The following PLGRKT variants were observed in gnomAD, a reference collection of about 807,000 sequenced individuals.
The protein encoded by PLGRKT is plasminogen receptor with a C-terminal lysine.
A neutral mutation model predicts 18.5 loss-of-function variants in PLGRKT; 22 were observed. That is an observed-to-expected ratio of 1.19 (90% CI 0.85 to 1.70). PLGRKT has a LOEUF of 1.70. Ranked by LOEUF, PLGRKT falls within the 40% of genes most tolerant of loss-of-function variation. The probability of loss-of-function intolerance (pLI) is 0.00; values close to 1 mark genes in which losing one functional copy is unlikely to be tolerated. For synonymous variants in PLGRKT, 72 were observed against 52.8 expected, an observed-to-expected ratio of 1.36 and a Z score of -1.58; for missense variants, 235 against 174.4, an observed-to-expected ratio of 1.35 and a Z score of -1.96.
chr9:5,399,322 C>T (rs1003980006), intron 3 of PLGRKT, among the ~76,000 whole-genome samples: 3 of 151,932 alleles, frequency 2.0e-5, no homozygotes, highest in African/African-American at 4.9e-5. Flanking sequence ...CCCTCTCCTA[C>T]AGTAGTTTCC....
chr9:5,396,367 C>T (rs565834500), intron 3 of PLGRKT, among the ~76,000 whole-genome samples: 118 of 150,714 alleles, frequency 7.8e-4, no homozygotes, highest in Admixed American at 2.0e-3. Context: ...CTCACTGCAA[C>T]CTCAACCTCC....
At chr9:5,365,628 C>G (rs951182674) in intron 3 of PLGRKT, among the ~76,000 whole-genome samples, 1 of 152,014 alleles carries the variant, frequency 6.6e-6, no homozygotes, top group Non-Finnish European at 1.5e-5. Flanking sequence ...GATTCTGGGA[C>G]AGAAAAAGAA....
intron 3 of PLGRKT, among the ~76,000 whole-genome samples, chr9:5,426,993 G>A (rs900766948): frequency 8.5e-5 from 13 of 152,088 alleles, no homozygotes; most frequent in Non-Finnish European, 1.3e-4. Flanking sequence ...AATAATAACA[G>A]GCTAATTTAT....
intron 3 of PLGRKT, among the ~76,000 whole-genome samples, chr9:5,367,769 C>A (rs746815501): frequency 2.6e-5 from 4 of 151,730 alleles, no homozygotes; most frequent in African/African-American, 9.7e-5. Flanking sequence ...GAGCTTCTGC[C>A]CAACAACAAC....
intron 3 of PLGRKT, among the ~76,000 whole-genome samples, chr9:5,399,229 T>A (rs942355353): frequency 3.3e-5 from 5 of 151,904 alleles, no homozygotes; most frequent in African/African-American, 1.2e-4. Context: ...TAATTAAATA[T>A]TTTTTCTCCT....
At chr9:5,390,238 T>C (rs1384909772) in intron 3 of PLGRKT, among the ~76,000 whole-genome samples, 2 of 87,382 alleles carry the variant, frequency 2.3e-5, no homozygotes, top group East Asian at 2.8e-4. Flanking sequence ...TGTGTGTGTA[T>C]GTGTATATAT....
intron 3 of PLGRKT, among the ~76,000 whole-genome samples, chr9:5,396,969 G>A (rs1432662141): frequency 6.6e-6 from 1 of 151,950 alleles, no homozygotes; most frequent in Non-Finnish European, 1.5e-5. Context: ...ACTTCACAGT[G>A]ACAATAAAGG....
At chr9:5,394,901 G>C (rs1179616761) in intron 3 of PLGRKT, among the ~76,000 whole-genome samples, 1 of 151,834 alleles carries the variant, frequency 6.6e-6, no homozygotes, top group Admixed American at 6.5e-5. Flanking sequence ...GAAGCTGACT[G>C]CAACGGAGCC....
intron 3 of PLGRKT, among the ~76,000 whole-genome samples, chr9:5,424,668 TTATATATATATA>T (rs375682412): frequency 1.8e-5 from 2 of 113,170 alleles, no homozygotes; most frequent in East Asian, 4.7e-4. Flanking sequence ...ATTATATATT[TTATATATATATA>T]TATATATATA....
intron 5 of PLGRKT, 41 bp downstream of exon 5, chr9:5,361,037 A>G (rs747498585): frequency 9.6e-7 from 1 of 1,040,180 alleles, no homozygotes; most frequent in South Asian, 1.3e-5. Flanking sequence ...GAAATGGAAA[A>G]TAAATCAGCA....
In PLGRKT at chr9:5,424,701, G is replaced by A. The variant is rs540444308; in HGVS notation, c.81+7196C>T. 2.8e-4 allele frequency among the ~76,000 whole-genome samples: 34 copies of A among 122,404 alleles called. No individual in the cohort carries two copies. In the East Asian group the frequency reaches 6.0e-3, roughly 22 times the overall value. 80.3% of individuals were successfully genotyped at this position (122,404 alleles called of 152,430 possible). On this transcript the variant is annotated intron_variant, in intron 3 of 5. Coordinates refer to ENST00000223864, the MANE Select transcript of PLGRKT (RefSeq NM_018465.4). ...ATATATATATATATATACACACAGG[G>A]GGGGGAGAGAGGGAGAGACAGAGAG...
chr9:5,438,036 A>G (rs922929599), upstream of PLGRKT, among the ~76,000 whole-genome samples: 4 of 152,198 alleles, frequency 2.6e-5, no homozygotes, highest in Non-Finnish European at 5.9e-5. Context: ...GGGGAAGGTC[A>G]AAAGAGGCAA....
At position 5,388,038 on chromosome 9, in the gene PLGRKT, G is replaced by T. The variant is rs137902668; in HGVS notation, c.82-26150C>A. 4.3e-3 allele frequency among the ~76,000 whole-genome samples: 649 copies of T among 152,036 alleles called. 4 individuals are homozygous for T. The highest frequency in any genetic ancestry group is 6.8e-3 in the Middle Eastern group (2 of 294). Reference sequence around the variant, plus strand: ...GTTTGGTATAGCAGTCTGTAGTTATGGCCAAATTCTGGGTTAGAAATATTA... The same window carrying T: ...GTTTGGTATAGCAGTCTGTAGTTATTGCCAAATTCTGGGTTAGAAATATTA... On this transcript the variant is annotated intron_variant, in intron 3 of 5. Coordinates refer to ENST00000223864, the MANE Select transcript of PLGRKT (RefSeq NM_018465.4).
intron 3 of PLGRKT, among the ~76,000 whole-genome samples, chr9:5,425,675 T>C (rs1227068476): frequency 6.6e-6 from 1 of 152,134 alleles, no homozygotes; most frequent in African/African-American, 2.4e-5. Context: ...TCTGTGAAGG[T>C]CTGAGGTGGG....
intron 3 of PLGRKT, among the ~76,000 whole-genome samples, chr9:5,379,841 T>TA (rs1460516801): frequency 1.3e-5 from 2 of 152,230 alleles, no homozygotes; most frequent in Non-Finnish European, 2.9e-5. Context: ...AAGGACAATT[T>TA]GACAGTATCT....
At chr9:5,364,551 G>A (rs1249464667) in intron 3 of PLGRKT, among the ~76,000 whole-genome samples, 3 of 152,196 alleles carry the variant, frequency 2.0e-5, no homozygotes, top group Non-Finnish European at 4.4e-5. Context: ...AATGGGGACT[G>A]TGACAAAATA....
At chr9:5,423,906 TATTAG>T (rs1449435805) in intron 3 of PLGRKT, among the ~76,000 whole-genome samples, 2 of 146,680 alleles carry the variant, frequency 1.4e-5, no homozygotes, top group East Asian at 3.9e-4. Flanking sequence ...ATATTACATA[TATTAG>T]ATATTATATT....
rs893478250 is a variant in PLGRKT, at chr9:5,424,868, C to G, written c.81+7029G>C. 4.6e-5 allele frequency among the ~76,000 whole-genome samples: 7 copies of G among 150,998 alleles called. No homozygotes were observed. In the Admixed American group the frequency reaches 4.6e-4, roughly 10 times the overall value. ...GTTGTTTTGTAGAGATGGGGTTTCACCGTATTGACCAGGATTATAGGCGTG... is the reference window on the plus strand; with the variant it reads ...GTTGTTTTGTAGAGATGGGGTTTCAGCGTATTGACCAGGATTATAGGCGTG... On this transcript the variant is annotated intron_variant, in intron 3 of 5. Transcript: ENST00000223864.
intron 3 of PLGRKT, among the ~76,000 whole-genome samples, chr9:5,387,507 T>C (rs985103637): frequency 3.9e-5 from 6 of 151,948 alleles, no homozygotes; most frequent in Non-Finnish European, 5.9e-5. Flanking sequence ...TGTAGATGAA[T>C]TTCACAGATG....
Sources: gnomAD v4.1 joint callset for allele counts (sites outside exome capture counted in the v4.1 genomes callset) on GRCh38, gnomAD v4.1.1 for gene constraint, MANE v1.5 for transcripts, NCBI Gene and HGNC (gene_info 2026-07-23, HGNC 2026-07-21) for gene names.